LHCGR: variants seen among roughly 807,000 people sequenced by gnomAD.
The protein encoded by LHCGR is lutropin-choriogonadotropic hormone receptor.
Under a neutral mutation model 60.7 loss-of-function variants are expected in LHCGR, and 55 were observed. The observed-to-expected ratio is 0.91, with a 90% CI of 0.73 to 1.13. LHCGR has a LOEUF of 1.13. Among genes scored for constraint, LHCGR ranks in the 50% most tolerant of loss-of-function variants. The pLI is 0.00. For synonymous variants in LHCGR, 337 were observed against 316.5 expected (o/e 1.06, Z -0.69); for missense variants, 862 against 836.0 (o/e 1.03, Z -0.38).
intron 1 of LHCGR, among the ~76,000 whole-genome samples, chr2:48,752,981 C>CGGGGGGGGGGGGGGGGGGGGGGGGGG (rs60837194): frequency 1.3e-4 from 1 of 7,634 alleles, no homozygotes; most frequent in African/African-American, 8.2e-4. Flanking sequence ...CGGATTTTGG[C>CGGGGGGGGGGGGGGGGGGGGGGGGGG]GGGGGGGGGG....
chr2:48,712,747 C>G (rs1209582207), intron 7 of LHCGR, among the ~76,000 whole-genome samples: 1 of 151,572 alleles, frequency 6.6e-6, no homozygotes, highest in South Asian at 2.1e-4. Context: ...GCGTTAAGTA[C>G]TGAGGATATG....
rs1209539950 is a variant in LHCGR at position 48,725,658 on chromosome 2, A to AG, written c.383+17_383+18insC. On this transcript the variant is annotated intron_variant, in intron 4 of 10. Coordinates refer to ENST00000294954, the MANE Select transcript of LHCGR (RefSeq NM_000233.4). ...CCATCTTCCCCTCCCCAATTGCTTAAAAAGGAAAATTTCTCACAAGTATTT... is the reference window on the plus strand; with the variant it reads ...CCATCTTCCCCTCCCCAATTGCTTAAGAAAGGAAAATTTCTCACAAGTATTT... 6.3e-7 allele frequency: 1 copy of AG among 1,593,794 alleles called. No homozygotes were observed. Among genetic ancestry groups the AG allele is most frequent in the Admixed American group, 1.7e-5 (1 of 59,988 alleles).
At chr2:48,751,458 C>G (rs1033696532) in intron 1 of LHCGR, among the ~76,000 whole-genome samples, 1 of 152,226 alleles carries the variant, frequency 6.6e-6, no homozygotes, top group African/African-American at 2.4e-5. Flanking sequence ...AGCTTCTTAA[C>G]ACTTGGCCCA....
At chr2:48,752,997 T>TGGGGGGGGGGGG (rs1558909396) in intron 1 of LHCGR, among the ~76,000 whole-genome samples, 1 of 18,436 alleles carries the variant, frequency 5.4e-5, no homozygotes, top group Non-Finnish European at 9.8e-5. Flanking sequence ...GGGGGGGGGG[T>TGGGGGGGGGGGG]GGGGAAGGGA....
chr2:48,742,314 A>T (rs1358659515), intron 1 of LHCGR, among the ~76,000 whole-genome samples: 3 of 152,144 alleles, frequency 2.0e-5, no homozygotes, highest in Non-Finnish European at 4.4e-5. Context: ...ATGCCCAGGA[A>T]TTGAACTCAG....
chr2:48,716,737 T>A (rs1668266814), intron 6 of LHCGR, among the ~76,000 whole-genome samples: 1 of 152,220 alleles, frequency 6.6e-6, no homozygotes, highest in South Asian at 2.1e-4. Context: ...TCCTGTCATT[T>A]TAGGGGTTGA....
chr2:48,749,583 A>G (rs1315066413), intron 1 of LHCGR, among the ~76,000 whole-genome samples: 1 of 152,142 alleles, frequency 6.6e-6, no homozygotes, highest in African/African-American at 2.4e-5. Flanking sequence ...CTGGGAGATT[A>G]TATTTTGGAA....
chr2:48,729,127 T>G, intron 3 of LHCGR, 26 bp downstream of exon 3: 3 of 1,541,152 alleles, frequency 1.9e-6, no homozygotes, highest in Non-Finnish European at 2.7e-6. Context: ...TGTACAGCAG[T>G]AAACTGTCTG....
chr2:48,712,242 A>G (rs1333793153), intron 7 of LHCGR, among the ~76,000 whole-genome samples: 1 of 151,972 alleles, frequency 6.6e-6, no homozygotes, highest in Non-Finnish European at 1.5e-5. Flanking sequence ...TTAGTAGTCA[A>G]TGTGCAGTTT....
At chr2:48,706,575 C>A (rs1474256862) in intron 8 of LHCGR, among the ~76,000 whole-genome samples, 1 of 152,124 alleles carries the variant, frequency 6.6e-6, no homozygotes, top group East Asian at 1.9e-4. Flanking sequence ...TTTCTTGAGA[C>A]CTTGTTCGTT....
At chr2:48,745,570 A>G (rs1320220764) in intron 1 of LHCGR, among the ~76,000 whole-genome samples, 1 of 152,032 alleles carries the variant, frequency 6.6e-6, no homozygotes, top group African/African-American at 2.4e-5. Context: ...ATTGGAAATC[A>G]TCATTCTCAG....
chr2:48,721,917 C>T (rs1299154905), intron 6 of LHCGR: 9 of 390,810 alleles, frequency 2.3e-5, no homozygotes, highest in Admixed American at 6.4e-5. Context: ...TTTGGGAGGC[C>T]GAGGAGGGCA....
chr2:48,752,717 CA>C (rs1670012123), intron 1 of LHCGR, among the ~76,000 whole-genome samples: 1 of 151,938 alleles, frequency 6.6e-6, no homozygotes, highest in Non-Finnish European at 1.5e-5. Context: ...CCTCAGGACT[CA>C]AAACTTCTTA....
intron 1 of LHCGR, among the ~76,000 whole-genome samples, chr2:48,741,729 G>A (rs1054219227): frequency 1.3e-5 from 2 of 151,672 alleles, no homozygotes; most frequent in African/African-American, 4.8e-5. Flanking sequence ...ACCAGCCGCT[G>A]CAAAATCATG....
chr2:48,735,224 G>A (rs1483652473), intron 1 of LHCGR, among the ~76,000 whole-genome samples: 4 of 152,146 alleles, frequency 2.6e-5, no homozygotes, highest in African/African-American at 7.2e-5. Flanking sequence ...AGTTGAAATC[G>A]AAACAGTCTG....
At chr2:48,705,383 A>G (rs969172311) in intron 8 of LHCGR, among the ~76,000 whole-genome samples, 12 of 152,124 alleles carry the variant, frequency 7.9e-5, no homozygotes, top group Non-Finnish European at 1.8e-4. Flanking sequence ...TGGGGTGGAG[A>G]GTTCTGTAGA....
At chr2:48,730,596 C>G (rs868640758) in intron 2 of LHCGR, among the ~76,000 whole-genome samples, 5 of 152,090 alleles carry the variant, frequency 3.3e-5, no homozygotes, top group African/African-American at 1.2e-4. Flanking sequence ...TCCTTTGACT[C>G]AGGCTAATAT....
intron 1 of LHCGR, 79 bp downstream of exon 1, chr2:48,755,432 G>A: frequency 1.1e-6 from 1 of 892,096 alleles, no homozygotes; most frequent in Non-Finnish European, 1.7e-6. Flanking sequence ...GGGGGCCAAA[G>A]GAGTAGGGAG....
chr2:48,709,139 A>G, intron 7 of LHCGR, 117 bp from the exon 8 acceptor site: 1 of 795,786 alleles, frequency 1.3e-6, no homozygotes, highest in Non-Finnish European at 2.2e-6. Flanking sequence ...TAAAAGGGGG[A>G]AAAAGGGTAA....
Sources: allele counts gnomAD v4.1 joint callset (sites outside exome capture counted in the v4.1 genomes callset), GRCh38; gene constraint gnomAD v4.1.1; transcripts MANE v1.5; gene names NCBI Gene and HGNC (gene_info 2026-07-23, HGNC 2026-07-21).